Variants in TIAM2 observed in about 807,000 individuals in gnomAD.
TIAM2 encodes the protein TIAM Rac1 associated GEF 2, also known as rho guanine nucleotide exchange factor TIAM2.
A neutral mutation model predicts 152.9 loss-of-function variants in TIAM2; 80 were observed. The ratio of observed to expected loss-of-function variants is 0.52; its 90% CI spans 0.44 to 0.63. The LOEUF is 0.63. TIAM2 is among the 30% of genes least tolerant of loss of function. The pLI is 0.00. For missense variants in TIAM2, 1,965 were observed against 2,120.1 expected (o/e 0.93, Z 1.44); for synonymous variants, 804 against 838.0 (o/e 0.96, Z 0.70).
chr6:155,165,349 G>C lies in TIAM2; in HGVS notation c.2301G>C (p.Ser767=), dbSNP rs145020439. The change falls in exon 9 of 27, where the codon TCG becomes TCC. Residue 767 remains serine (S), a synonymous_variant. Coordinates refer to ENST00000682666, the MANE Select transcript of TIAM2 (RefSeq NM_012454.4). ...GAAACAAGAAGGGAATATTTTCTTC[G>C]TTAAAAGGGCTGGACACACTGGCCA... is the stretch of plus-strand genomic sequence containing the variant. The part of the protein sequence containing the change: ...RGRNKKGIFS[S]LKGLDTLARK... The C allele has an allele frequency of 6.2e-7, 1 of 1,614,016 alleles. No individual in the cohort carries two copies. Among genetic ancestry groups the C allele is most frequent in the African/African-American group, 1.3e-5 (1 of 74,898 alleles).
chr6:155,165,464 A>G (rs1780403434), intron 9 of TIAM2, 55 bp downstream of exon 9: 1 of 1,563,426 alleles, frequency 6.4e-7, no homozygotes, highest in Non-Finnish European at 8.6e-7. Context: ...GAAACCCCTA[A>G]TTTTCGGCCT....
chr6:155,160,894 T>A (rs935232589), intron 7 of TIAM2, among the ~76,000 whole-genome samples: 11 of 152,226 alleles, frequency 7.2e-5, no homozygotes, highest in Non-Finnish European at 1.6e-4. Context: ...CTAAATTAAA[T>A]TTTAAATGAA....
chr6:155,254,722 T>C, intron 26 of TIAM2, 149 bp downstream of exon 26: 1 of 1,008,010 alleles, frequency 9.9e-7, no homozygotes, highest in East Asian at 2.6e-5. Context: ...ACATGCCTCT[T>C]GCTCCCAGAC....
chr6:155,028,605 T>TTA (rs1375253788), intron 1 of TIAM2, among the ~76,000 whole-genome samples: 28 of 105,526 alleles, frequency 2.7e-4, no homozygotes, highest in African/African-American at 8.5e-4. Flanking sequence ...ATATACTGTG[T>TTA]TATATATACT....
chr6:155,101,584 T>C (rs913696453), intron 2 of TIAM2, among the ~76,000 whole-genome samples: 1 of 152,240 alleles, frequency 6.6e-6, no homozygotes, highest in Admixed American at 6.5e-5. Flanking sequence ...CTTGGTCAGA[T>C]GTTCTGTCAG....
At position 155,161,878 on chromosome 6, in the gene TIAM2, T is replaced by C. The variant is rs190685646; in HGVS notation, c.2029-2537T>C. 2.6e-5 allele frequency among the ~76,000 whole-genome samples: 4 copies of C among 151,854 alleles called. No individual in the cohort carries two copies. In the East Asian group the frequency reaches 7.8e-4, roughly 30 times the overall value. ...CAGACGTGAGCCATCACTCCCGGCC[T>C]TTTTTGTCTTTTTAATCCACCATGG... On this transcript the variant is annotated intron_variant, in intron 7 of 26. Coordinates refer to ENST00000682666, the MANE Select transcript of TIAM2 (RefSeq NM_012454.4).
chr6:155,150,847 C>T (rs765352524), intron 7 of TIAM2, among the ~76,000 whole-genome samples: 10 of 152,148 alleles, frequency 6.6e-5, no homozygotes, highest in Non-Finnish European at 1.0e-4. Context: ...TTCACGAGGG[C>T]TCACCATTAT....
rs1287855717 is a variant in TIAM2 at position 155,129,163 on chromosome 6, A to T, written c.-6-55A>T. ...GGCATTCTTTTTAGAAAGTTCTGTC[A>T]TAATGGAATGTAATTTAGGCCACGG... On this transcript the variant is annotated intron_variant, in intron 3 of 26. Coordinates refer to ENST00000682666, the MANE Select transcript of TIAM2 (RefSeq NM_012454.4). The surrounding 1 kb of genome is among the most constrained non-coding windows in gnomAD (Gnocchi z 4.8). 1 of 1,515,230 alleles carries T rather than the reference A, an allele frequency of 6.6e-7. No individual in the cohort carries two copies. 93.9% of individuals were successfully genotyped at this position (1,515,230 alleles called of 1,614,324 possible).
At chr6:155,119,393 G>A (rs565605547) in intron 2 of TIAM2, among the ~76,000 whole-genome samples, 5 of 151,304 alleles carry the variant, frequency 3.3e-5, no homozygotes, top group Admixed American at 3.3e-4. Context: ...AGGCTGGAGC[G>A]CAGTGATGCA....
chr6:155,043,580 G>C (rs1777094215), intron 1 of TIAM2, among the ~76,000 whole-genome samples: 1 of 143,936 alleles, frequency 6.9e-6, no homozygotes, highest in Non-Finnish European at 1.5e-5. Context: ...GCTGCAGTAA[G>C]CAGCGATTGT....
chr6:155,241,131 G>A (rs1315942139), intron 16 of TIAM2, among the ~76,000 whole-genome samples: 1 of 152,218 alleles, frequency 6.6e-6, no homozygotes, highest in African/African-American at 2.4e-5. Context: ...CCTGCCTGGT[G>A]GTTGTCATCG....
chr6:155,029,777 C>A (rs1776788258), intron 1 of TIAM2, among the ~76,000 whole-genome samples: 1 of 120,832 alleles, frequency 8.3e-6, no homozygotes, highest in Non-Finnish European at 1.8e-5. Context: ...AACCTAAAGA[C>A]TTTTTGTGTT....
intron 2 of TIAM2, among the ~76,000 whole-genome samples, chr6:155,120,501 T>C (rs1386880003): frequency 1.3e-5 from 2 of 152,242 alleles, no homozygotes; most frequent in Non-Finnish European, 2.9e-5. Flanking sequence ...AATTCATGCA[T>C]TCTGAGTGTA....
At position 155,127,486 on chromosome 6, in the gene TIAM2, T is replaced by C. The variant is rs1374215605; in HGVS notation, c.-117-4T>C. ...CAGAGTTTTCTTGCGTTTCTGTTTT[T>C]CAGGCTCACTTCATGGACTCACTTT... On this transcript the variant is annotated splice_polypyrimidine_tract_variant and splice_region_variant and intron_variant, in intron 2 of 26. Coordinates refer to ENST00000682666, the MANE Select transcript of TIAM2 (RefSeq NM_012454.4). 2.3e-6 allele frequency: 1 copy of C among 436,696 alleles called. No individual in the cohort carries two copies. Among genetic ancestry groups the C allele is most frequent in the Non-Finnish European group, 4.6e-6 (1 of 219,168 alleles). 27.1% of individuals were successfully genotyped at this position (436,696 alleles called of 1,614,324 possible).
chr6:155,137,704 G>T lies in TIAM2; in HGVS notation c.1630+92G>T, dbSNP rs1406689231. On this transcript the variant is annotated intron_variant, in intron 5 of 26. Coordinates refer to ENST00000682666, the MANE Select transcript of TIAM2 (RefSeq NM_012454.4). Reference sequence around the variant, plus strand: ...AGTGCCAAGAGACTAGCATTGATTTGAGTTCACATGAGGGGTTTGACACAG... The same window carrying T: ...AGTGCCAAGAGACTAGCATTGATTTTAGTTCACATGAGGGGTTTGACACAG... The T allele has an allele frequency of 7.3e-6, 10 of 1,365,758 alleles. No individual in the cohort carries two copies. In the East Asian group the frequency reaches 2.4e-4, roughly 33 times the overall value. 84.6% of individuals were successfully genotyped at this position (1,365,758 alleles called of 1,614,324 possible). A position where few individuals can be genotyped will look rare whatever the true frequency, so the allele number is the denominator to read the frequency against.
Position 155,256,603 on chromosome 6 carries a change from A to G in TIAM2, c.4588A>G (p.Ser1530Gly). The G allele has an allele frequency of 6.2e-7, 1 of 1,614,188 alleles. No homozygotes were observed. The highest frequency in any genetic ancestry group is 8.5e-7 in the Non-Finnish European group (1 of 1,180,038). ...CAGCTTGAGCAGCGGCACCCAGAGCAGCGGCTGCCCCACGGCTGAGGGCAG... is the reference window on the plus strand; with the variant it reads ...CAGCTTGAGCAGCGGCACCCAGAGCGGCGGCTGCCCCACGGCTGAGGGCAG... Reference protein sequence around the residue: ...EGSLSSGTQSSGCPTAEGRQD... With the variant: ...EGSLSSGTQSGGCPTAEGRQD... The change falls in exon 27 of 27, where the codon AGC becomes GGC. Residue 1530 changes from serine (S) to glycine (G), a missense_variant. Transcript: ENST00000682666.
intron 7 of TIAM2, among the ~76,000 whole-genome samples, chr6:155,155,485 A>AT (rs942921367): frequency 1.8e-4 from 26 of 146,266 alleles, no homozygotes; most frequent in African/African-American, 5.3e-4. Context: ...TTTATTTTCT[A>AT]TTTTTTTGAA....
intron 1 of TIAM2, among the ~76,000 whole-genome samples, chr6:155,063,068 G>C (rs545848772): frequency 6.6e-6 from 1 of 152,070 alleles, no homozygotes; most frequent in East Asian, 1.9e-4. Flanking sequence ...TTGGGAATAA[G>C]TTCTTTATTG....
At chr6:155,217,680 G>T (rs1304269856) in intron 15 of TIAM2, among the ~76,000 whole-genome samples, 1 of 152,202 alleles carries the variant, frequency 6.6e-6, no homozygotes, top group Non-Finnish European at 1.5e-5. Context: ...CGCTTTGGCA[G>T]GGATTATTTT....
Sources: allele counts gnomAD v4.1 joint callset (sites outside exome capture counted in the v4.1 genomes callset), GRCh38; gene constraint gnomAD v4.1.1; non-coding constraint Gnocchi (gnomAD v3.1); transcripts MANE v1.5; gene names NCBI Gene and HGNC (gene_info 2026-07-23, HGNC 2026-07-21).